The following CEP20 variants were observed in gnomAD, a reference collection of about 807,000 sequenced individuals.
The protein encoded by CEP20 is centrosomal protein 20, also known as FGFR1OP N-terminal like.
Under a neutral mutation model 20.0 loss-of-function variants are expected in CEP20, and 18 were observed. That is an observed-to-expected ratio of 0.90 (90% CI 0.62 to 1.34). CEP20 has a LOEUF of 1.34. Among genes scored for constraint, CEP20 ranks in the 40% most tolerant of loss-of-function variants. The pLI is 0.00. For missense variants in CEP20, 215 were observed against 201.6 expected (o/e 1.07, Z -0.40); for synonymous variants, 77 against 73.7 (o/e 1.04, Z -0.23).
chr16:15,887,993 G>A (rs887917118), intron 1 of CEP20, among the ~76,000 whole-genome samples: 1 of 151,454 alleles, frequency 6.6e-6, no homozygotes, highest in Non-Finnish European at 1.5e-5. Flanking sequence ...TGGGAGGATA[G>A]CTGGAGTCCC....
chr16:15,888,410 G>A (rs748500275), intron 1 of CEP20, 148 bp downstream of exon 1: 2 of 1,098,462 alleles, frequency 1.8e-6, no homozygotes, highest in East Asian at 2.6e-5. Flanking sequence ...CAAGACAGCA[G>A]CCAGACGCTC....
chr16:15,884,153 C>G lies in CEP20; in HGVS notation c.81G>C (p.Arg27Ser), dbSNP rs1381773553. Reference sequence around the variant, plus strand: ...GGGCATTGAAAACTTCAGCTCGGATCCTTGCTTTTAAATGCCCTAATACCC... The same window carrying G: ...GGGCATTGAAAACTTCAGCTCGGATGCTTGCTTTTAAATGCCCTAATACCC... ...KKGVLGHLKA[R>S]IRAEVFNALD... The change falls in exon 2 of 5, where the codon AGG (arginine) becomes AGC (serine). Residue 27 changes from arginine (R) to serine (S), a missense_variant. Coordinates refer to ENST00000255759, the MANE Select transcript of CEP20 (RefSeq NM_144600.4). The G allele has an allele frequency of 1.9e-6, 3 of 1,613,984 alleles. No homozygotes were observed. Among genetic ancestry groups the G allele is most frequent in the Non-Finnish European group, 2.5e-6 (3 of 1,179,930 alleles).
At chr16:15,879,688 A>G (rs1293772988) in intron 3 of CEP20, 116 bp downstream of exon 3, 2 of 644,208 alleles carry the variant, frequency 3.1e-6, no homozygotes, top group African/African-American at 3.8e-5. Context: ...GATTTAGGAC[A>G]ATGCTTGACA....
At chr16:15,875,867 G>A (rs2044931323) in intron 3 of CEP20, among the ~76,000 whole-genome samples, 1 of 152,140 alleles carries the variant, frequency 6.6e-6, no homozygotes, top group South Asian at 2.1e-4. Flanking sequence ...GGGAGGCCAA[G>A]GCAGGAGGAT....
chr16:15,868,180 C>T (rs956210670), intron 4 of CEP20, among the ~76,000 whole-genome samples: 1 of 151,660 alleles, frequency 6.6e-6, no homozygotes, highest in Non-Finnish European at 1.5e-5. Flanking sequence ...TGAGGGTTGC[C>T]AAAGCTCTTC....
intron 3 of CEP20, 38 bp downstream of exon 3, chr16:15,879,766 A>C (rs749062555): frequency 8.2e-7 from 1 of 1,215,474 alleles, no homozygotes; most frequent in South Asian, 1.3e-5. Flanking sequence ...TTATGACTCA[A>C]TACAATATGT....
intron 4 of CEP20, among the ~76,000 whole-genome samples, chr16:15,868,173 G>A (rs1447252233): frequency 6.6e-6 from 1 of 151,826 alleles, no homozygotes; most frequent in Non-Finnish European, 1.5e-5. Context: ...AGCATTTTGA[G>A]GGTTGCCAAA....
chr16:15,880,028 T>C, intron 2 of CEP20, 140 bp from the exon 3 acceptor site: 2 of 597,400 alleles, frequency 3.3e-6, no homozygotes, highest in Non-Finnish European at 5.8e-6. Context: ...ACAGATCAAA[T>C]TGCCTGTGAT....
intron 2 of CEP20, among the ~76,000 whole-genome samples, chr16:15,880,146 A>G (rs1164957278): frequency 1.3e-5 from 2 of 152,238 alleles, no homozygotes. Context: ...TACCATTTCT[A>G]TATCCAAATT....
intron 4 of CEP20, 141 bp downstream of exon 4, chr16:15,873,350 G>T: frequency 2.1e-6 from 2 of 966,064 alleles, no homozygotes; most frequent in East Asian, 2.9e-5. Flanking sequence ...TCTGTTTCTT[G>T]GAGTAACATA....
chr16:15,868,555 C>T (rs72773949), intron 4 of CEP20, among the ~76,000 whole-genome samples: 10,148 of 152,254 alleles, frequency 0.067, 461 homozygotes, highest in East Asian at 0.22. Context: ...CTTGCAACAA[C>T]TTTGATAATA....
intron 1 of CEP20, among the ~76,000 whole-genome samples, chr16:15,886,808 T>C (rs2045258027): frequency 6.6e-6 from 1 of 152,232 alleles, no homozygotes; most frequent in Non-Finnish European, 1.5e-5. Context: ...CCTTTCCCTC[T>C]ATTATGCTTA....
chr16:15,881,250 A>T (rs1008392774), intron 2 of CEP20, among the ~76,000 whole-genome samples: 56 of 152,184 alleles, frequency 3.7e-4, no homozygotes, highest in Non-Finnish European at 6.9e-4. Flanking sequence ...CCAGTTTTTT[A>T]AAAAAAGCCA....
intron 2 of CEP20, among the ~76,000 whole-genome samples, chr16:15,883,335 C>T (rs1381672140): frequency 6.6e-6 from 1 of 152,016 alleles, no homozygotes; most frequent in Non-Finnish European, 1.5e-5. Context: ...TGCAGTCCAG[C>T]CTTTGCAACA....
chr16:15,880,588 T>C (rs543037808), intron 2 of CEP20, among the ~76,000 whole-genome samples: 1 of 152,240 alleles, frequency 6.6e-6, no homozygotes, highest in African/African-American at 2.4e-5. Flanking sequence ...ATCTTGAATG[T>C]ATTACACTAA....
rs1171552335 is a variant in CEP20 at position 15,877,535 on chromosome 16, G to A, written c.311+2269C>T. 9.2e-5 allele frequency among the ~76,000 whole-genome samples: 14 copies of A among 152,268 alleles called. No homozygotes were observed. In the East Asian group the frequency reaches 2.7e-3, roughly 29 times the overall value. On this transcript the variant is annotated intron_variant, in intron 3 of 4. Transcript: ENST00000255759. ...TAATCCCAACACTTTGGAAGGCCAA[G>A]GTAGGTGGATAACTTGAGCTGAGGA...
intron 3 of CEP20, 96 bp downstream of exon 3, chr16:15,879,708 T>A (rs878915193): frequency 1.4e-6 from 1 of 718,470 alleles, no homozygotes; most frequent in Admixed American, 2.7e-5. Flanking sequence ...ACACACTAGA[T>A]CTGAATAAAT....
Position 15,884,176 on chromosome 16 carries a change from C to T in CEP20, c.58G>A (p.Val20Ile), listed in dbSNP as rs1335115002. The T allele has an allele frequency of 3.1e-6, 5 of 1,611,824 alleles. No homozygotes were observed. Among genetic ancestry groups the T allele is most frequent in the Non-Finnish European group, 3.4e-6 (4 of 1,178,222 alleles). Residue 20 changes from valine (V) to isoleucine (I), a missense_variant, in exon 2 of 5, where the codon GTA becomes ATA. By Grantham distance (29) the Val-to-Ile change is conservative (BLOSUM62 3). Coordinates refer to ENST00000255759, the MANE Select transcript of CEP20 (RefSeq NM_144600.4). ...VLKDTLEKKG[V>I]LGHLKARIRA... ...ATCCTTGCTTTTAAATGCCCTAATA[C>T]CCCCTTTTTTTCCAAGGTGTCCTTT... is the stretch of plus-strand genomic sequence containing the variant.
chr16:15,879,713 A>T lies in CEP20; in HGVS notation c.311+91T>A, dbSNP rs2045052125. Reference sequence around the variant, plus strand: ...AATGCTTGACACACACTAGATCTGAATAAATACTTGAATTAAAATGAAGTA... The same window carrying T: ...AATGCTTGACACACACTAGATCTGATTAAATACTTGAATTAAAATGAAGTA... On this transcript the variant is annotated intron_variant, in intron 3 of 4. Transcript: ENST00000255759. 7 of 750,534 alleles carry T rather than the reference A, an allele frequency of 9.3e-6. No individual in the cohort carries two copies. In the South Asian group the frequency reaches 1.1e-4, roughly 12 times the overall value. 46.5% of individuals were successfully genotyped at this position (750,534 alleles called of 1,614,324 possible).
Sources: allele counts gnomAD v4.1 joint callset (sites outside exome capture counted in the v4.1 genomes callset), GRCh38; gene constraint gnomAD v4.1.1; transcripts MANE v1.5; gene names NCBI Gene and HGNC (gene_info 2026-07-23, HGNC 2026-07-21).